ZNF804B: variants seen among roughly 807,000 people sequenced by gnomAD.
ZNF804B encodes zinc finger 804B.
In ZNF804B, 80 loss-of-function variants were observed where a neutral mutation model predicts 101.4. The ratio of observed to expected loss-of-function variants is 0.79; its 90% CI spans 0.66 to 0.95. The LOEUF is 0.95. ZNF804B is among the 40% of genes least tolerant of loss of function. The probability of loss-of-function intolerance (pLI) is 0.00; values close to 1 mark genes in which losing one functional copy is unlikely to be tolerated. For missense variants in ZNF804B, 1,673 were observed against 1,561.9 expected (o/e 1.07, Z -1.20); for synonymous variants, 622 against 558.8 (o/e 1.11, Z -1.59).
rs544900868 is a variant in ZNF804B, at chr7:88,844,127, TAC to T, written c.108+84045_108+84046del. Among the ~76,000 whole-genome samples, 772 of 152,280 alleles carry T rather than the reference TAC, an allele frequency of 5.1e-3. 9 individuals are homozygous for T. The highest frequency in any genetic ancestry group is 0.018 in the African/African-American group (733 of 41,582). ...TTTGCTAAATTATTTTAACATAAAT[TAC>T]AGATATGATACCTCAAACTTAAATA... On this transcript the variant is annotated intron_variant, in intron 1 of 3. Coordinates refer to ENST00000333190, the MANE Select transcript of ZNF804B (RefSeq NM_181646.5).
intron 1 of ZNF804B, among the ~76,000 whole-genome samples, chr7:89,028,113 A>G (rs1483831777): frequency 6.6e-6 from 1 of 152,172 alleles, no homozygotes; most frequent in African/African-American, 2.4e-5. Flanking sequence ...TGAGTGGTAC[A>G]TAATTATAGA....
intron 1 of ZNF804B, among the ~76,000 whole-genome samples, chr7:88,996,544 A>T (rs1012147585): frequency 1.1e-4 from 16 of 152,086 alleles, no homozygotes; most frequent in African/African-American, 3.6e-4. Flanking sequence ...TACCATGTGT[A>T]CTTGAATCTT....
chr7:89,012,107 A>G (rs1450945955), intron 1 of ZNF804B, among the ~76,000 whole-genome samples: 1 of 152,074 alleles, frequency 6.6e-6, no homozygotes, highest in Non-Finnish European at 1.5e-5. Context: ...TGTTTAAGCC[A>G]CCGAAGTTTG....
chr7:89,175,609 GT>G (rs1791305485), intron 1 of ZNF804B, among the ~76,000 whole-genome samples: 1 of 151,964 alleles, frequency 6.6e-6, no homozygotes, highest in South Asian at 2.1e-4. Context: ...CTGTGAAGAA[GT>G]TCATTGGTAT....
At chr7:89,247,379 G>A (rs181986454) in intron 2 of ZNF804B, among the ~76,000 whole-genome samples, 15 of 152,246 alleles carry the variant, frequency 9.9e-5, no homozygotes, top group African/African-American at 2.2e-4. Context: ...GGTGTATACC[G>A]AGCTGTGTTG....
At chr7:88,842,158 T>C (rs1247773436) in intron 1 of ZNF804B, among the ~76,000 whole-genome samples, 2 of 152,198 alleles carry the variant, frequency 1.3e-5, no homozygotes, top group African/African-American at 4.8e-5. Context: ...TAAAAGTTTG[T>C]ATTTTTTTCT....
In ZNF804B at chr7:89,219,094, T is replaced by G. The variant is rs1028511811; in HGVS notation, c.249+799T>G. On this transcript the variant is annotated intron_variant, in intron 2 of 3. Coordinates refer to ENST00000333190, the MANE Select transcript of ZNF804B (RefSeq NM_181646.5). Reference sequence around the variant, plus strand: ...ATCCTGGACTAGTACTAGGACAGAATCTATTATTATAGTCTACATCTTTGT... The same window carrying G: ...ATCCTGGACTAGTACTAGGACAGAAGCTATTATTATAGTCTACATCTTTGT... Among the ~76,000 whole-genome samples, 6 of 152,062 alleles carry G rather than the reference T, an allele frequency of 3.9e-5. No individual in the cohort carries two copies. The South Asian group carries it at 6.2e-4, about 16-fold the overall frequency.
Position 88,854,336 on chromosome 7 carries a change from T to A in ZNF804B, c.108+94252T>A, listed in dbSNP as rs575396606. On this transcript the variant is annotated intron_variant, in intron 1 of 3. Coordinates refer to ENST00000333190, the MANE Select transcript of ZNF804B (RefSeq NM_181646.5). ...GGGGAGCAAATTCAAACCACCAAGT[T>A]TTATTCCAGAGGCTGTGCTCTTAAG... Among the ~76,000 whole-genome samples, 115 of 152,240 alleles carry A rather than the reference T, an allele frequency of 7.6e-4. 2 individuals carry two copies. The highest frequency in any genetic ancestry group is 3.4e-3 in the Middle Eastern group (1 of 294).
At chr7:89,116,604 T>G (rs1461385106) in intron 1 of ZNF804B, among the ~76,000 whole-genome samples, 2 of 152,182 alleles carry the variant, frequency 1.3e-5, no homozygotes, top group Non-Finnish European at 2.9e-5. Context: ...GTTATAAAAT[T>G]ATAAAGCCTT....
chr7:88,815,109 TCA>T (rs1312896666), intron 1 of ZNF804B, among the ~76,000 whole-genome samples: 1 of 148,578 alleles, frequency 6.7e-6, no homozygotes, highest in Non-Finnish European at 1.5e-5. Context: ...ATGTATATTC[TCA>T]CATATATGTA....
chr7:89,092,904 G>C (rs1789917142), intron 1 of ZNF804B, among the ~76,000 whole-genome samples: 1 of 152,148 alleles, frequency 6.6e-6, no homozygotes, highest in African/African-American at 2.4e-5. Flanking sequence ...CTGGGTGCTA[G>C]ATGTATTCAT....
intron 1 of ZNF804B, among the ~76,000 whole-genome samples, chr7:89,018,064 G>A (rs993521972): frequency 6.6e-6 from 1 of 151,764 alleles, no homozygotes; most frequent in African/African-American, 2.4e-5. Context: ...TTAATAAAAG[G>A]AATGAAAGTG....
At chr7:89,170,922 C>T (rs774295850) in intron 1 of ZNF804B, among the ~76,000 whole-genome samples, 5 of 152,130 alleles carry the variant, frequency 3.3e-5, no homozygotes, top group Non-Finnish European at 5.9e-5. Context: ...CATTTTTTTA[C>T]TCATCTTTCA....
At chr7:88,852,143 G>T (rs1791457610) in intron 1 of ZNF804B, among the ~76,000 whole-genome samples, 1 of 152,174 alleles carries the variant, frequency 6.6e-6, no homozygotes, top group South Asian at 2.1e-4. Context: ...ACACAATTCA[G>T]CATCTGGTTG....
intron 1 of ZNF804B, among the ~76,000 whole-genome samples, chr7:89,059,290 A>G (rs114701974): frequency 7.7e-4 from 118 of 152,316 alleles, no homozygotes; most frequent in African/African-American, 2.8e-3. Flanking sequence ...TGGGTAATAT[A>G]TAAAGAAAAG....
rs149033635 is a variant in ZNF804B, at chr7:89,297,020, G to C, written c.250-30324G>C. Among the ~76,000 whole-genome samples the C allele has an allele frequency of 4.4e-4, 67 of 152,052 alleles. 1 individual carries two copies. The highest frequency in any genetic ancestry group is 1.6e-3 in the African/African-American group (67 of 41,502). ...AACCAATAATTATGTGTACAAAATT[G>C]AGCGGTCAAGAAATATAAGCTTAAC... On this transcript the variant is annotated intron_variant, in intron 2 of 3. Transcript: ENST00000333190.
intron 1 of ZNF804B, among the ~76,000 whole-genome samples, chr7:89,181,468 A>C (rs1431163561): frequency 6.6e-6 from 1 of 152,176 alleles, no homozygotes; most frequent in Non-Finnish European, 1.5e-5. Flanking sequence ...GCGCTATAAT[A>C]GAGCAGCACT....
At chr7:89,303,732 T>C (rs1790518646) in intron 2 of ZNF804B, among the ~76,000 whole-genome samples, 1 of 151,918 alleles carries the variant, frequency 6.6e-6, no homozygotes, top group Non-Finnish European at 1.5e-5. Context: ...GTAGTAATCA[T>C]TATGGACAGA....
chr7:89,087,895 T>C (rs1016127974), intron 1 of ZNF804B, among the ~76,000 whole-genome samples: 1 of 151,848 alleles, frequency 6.6e-6, no homozygotes, highest in Non-Finnish European at 1.5e-5. Context: ...AATGTCCATG[T>C]TCAATTAGAA....
Sources: gnomAD v4.1 joint callset for allele counts (sites outside exome capture counted in the v4.1 genomes callset) on GRCh38, gnomAD v4.1.1 for gene constraint, MANE v1.5 for transcripts, NCBI Gene and HGNC (gene_info 2026-07-23, HGNC 2026-07-21) for gene names.